Variants in SLC30A9 observed in about 807,000 individuals in gnomAD.
The protein encoded by SLC30A9 is solute carrier family 30 member 9, also known as proton-coupled zinc antiporter SLC30A9, mitochondrial.
Under a neutral mutation model 87.5 loss-of-function variants are expected in SLC30A9, and 58 were observed. The ratio of observed to expected loss-of-function variants is 0.66; its 90% confidence interval spans 0.54 to 0.82. The LOEUF is 0.82. Among genes scored for constraint, SLC30A9 ranks in the 40% least tolerant of loss-of-function variants. The pLI is 0.00. For missense variants in SLC30A9, 557 were observed against 679.1 expected (o/e 0.82, Z 2.00); for synonymous variants, 234 against 233.0 (o/e 1.00, Z -0.04).
intron 16 of SLC30A9, among the ~76,000 whole-genome samples, 155 bp from the exon 17 acceptor site, chr4:42,078,057 T>A (rs1718624118): frequency 6.6e-6 from 1 of 152,208 alleles, no homozygotes; most frequent in African/African-American, 2.4e-5. Flanking sequence ...CGAATTGTTT[T>A]GGAAATAGGT....
At chr4:42,071,600 C>T (rs1718308939) in intron 15 of SLC30A9, among the ~76,000 whole-genome samples, 1 of 150,310 alleles carries the variant, frequency 6.7e-6, no homozygotes, top group African/African-American at 2.5e-5. Flanking sequence ...GAGTTTGAGG[C>T]TAGTGTGCAA....
chr4:42,006,080 G>A (rs2581446), intron 2 of SLC30A9, among the ~76,000 whole-genome samples: 142,314 of 152,306 alleles, frequency 0.93, 66,520 homozygotes, highest in East Asian at 0.99. Flanking sequence ...TGTAACAACG[G>A]TTTACTTAGC....
Position 42,089,570 on chromosome 4 carries a change from A to G in SLC30A9, c.*3444A>G. The G allele has an allele frequency of 6.6e-6, 1 of 152,300 alleles. No individual in the cohort carries two copies. The highest frequency in any genetic ancestry group is 1.9e-4 in the East Asian group (1 of 5,192). 9.4% of individuals were successfully genotyped at this position (152,300 alleles called of 1,614,324 possible). The stretch of plus-strand genomic sequence containing the variant: ...GTAGCTGGGATTACAGGCATGCGCC[A>G]CCACACCCGGCTAATTTTGTATTTC... On this transcript the variant is annotated 3_prime_UTR_variant, in exon 18 of 18. Transcript: ENST00000264451.
At chr4:42,014,516 T>C (rs1818292) in intron 2 of SLC30A9, among the ~76,000 whole-genome samples, 99,313 of 150,546 alleles carry the variant, frequency 0.66, 36,228 homozygotes, top group East Asian at 0.96. Flanking sequence ...GAGATCGTGC[T>C]GCTGCACTCC....
chr4:42,055,391 A>AT (rs5857830), intron 9 of SLC30A9, among the ~76,000 whole-genome samples: 99,209 of 151,898 alleles, frequency 0.65, 36,883 homozygotes, highest in East Asian at 0.96. Context: ...TTATTTATTT[A>AT]TTACTTATTT....
At chr4:42,027,719 A>G (rs1159297149) in intron 6 of SLC30A9, among the ~76,000 whole-genome samples, 1 of 152,214 alleles carries the variant, frequency 6.6e-6, no homozygotes, top group Non-Finnish European at 1.5e-5. Context: ...AGAGAATTTA[A>G]GATGGAATAT....
Position 42,088,588 on chromosome 4 carries a change from A to G in SLC30A9, c.*2462A>G, listed in dbSNP as rs1328678218. ...GGCAGAATACGAAGGGGAAGCAGTC[A>G]TAGCCAGAGGAAGAGCAAGAGGCGG... On this transcript the variant is annotated 3_prime_UTR_variant, in exon 18 of 18. Transcript: ENST00000264451. 1 of 152,716 alleles carries G rather than the reference A, an allele frequency of 6.5e-6. No individual in the cohort carries two copies. The highest frequency in any genetic ancestry group is 2.4e-5 in the African/African-American group (1 of 41,468). 9.5% of individuals were successfully genotyped at this position (152,716 alleles called of 1,614,324 possible). A position where few individuals can be genotyped will look rare whatever the true frequency, so the allele number is the denominator to read the frequency against.
intron 16 of SLC30A9, among the ~76,000 whole-genome samples, chr4:42,077,391 C>A (rs1718598498): frequency 6.6e-6 from 1 of 152,006 alleles, no homozygotes; most frequent in Non-Finnish European, 1.5e-5. Flanking sequence ...TTTGAAAGGT[C>A]TTTATTTTAT....
intron 2 of SLC30A9, among the ~76,000 whole-genome samples, chr4:42,011,102 A>G (rs974096130): frequency 2.6e-5 from 4 of 152,150 alleles, no homozygotes; most frequent in Non-Finnish European, 4.4e-5. Context: ...TCATGCTGCT[A>G]TGAGGAAATA....
chr4:42,048,288 G>A (rs1433500385), intron 8 of SLC30A9, among the ~76,000 whole-genome samples: 2 of 152,104 alleles, frequency 1.3e-5, no homozygotes, highest in African/African-American at 4.8e-5. Flanking sequence ...GCTCCCAGGA[G>A]GTTAAGAGAA....
chr4:42,059,927 T>C (rs1252081143), intron 9 of SLC30A9, among the ~76,000 whole-genome samples: 5 of 152,196 alleles, frequency 3.3e-5, no homozygotes, highest in African/African-American at 1.2e-4. Flanking sequence ...TGGTTTATCA[T>C]TTATTTTGTC....
At chr4:42,029,729 C>A (rs1299754720) in intron 6 of SLC30A9, 3 of 732,226 alleles carry the variant, frequency 4.1e-6, no homozygotes, top group Admixed American at 1.9e-5. Flanking sequence ...ACGAAGAGGG[C>A]AAACCACATG....
At chr4:42,005,423 T>A (rs556547250) in intron 2 of SLC30A9, among the ~76,000 whole-genome samples, 85 of 152,350 alleles carry the variant, frequency 5.6e-4, no homozygotes, top group African/African-American at 1.9e-3. Context: ...TCTTCCCCAC[T>A]ATTTAACACC....
chr4:42,074,064 A>AT lies in SLC30A9; in HGVS notation c.1419-1593_1419-1592insT, dbSNP rs1718425724. On this transcript the variant is annotated intron_variant, in intron 15 of 17. Coordinates refer to ENST00000264451, the MANE Select transcript of SLC30A9 (RefSeq NM_006345.4). The stretch of plus-strand genomic sequence containing the variant: ...AGACTAAAGTAGAAATGATTTTTGA[A>AT]AATGAATAAATATGTTCTGTGAGTT... Among the ~76,000 whole-genome samples the AT allele has an allele frequency of 3.3e-5, 5 of 152,256 alleles. 1 individual carries two copies. The highest frequency in any genetic ancestry group is 4.4e-5 in the Non-Finnish European group (3 of 68,040).
Position 42,046,242 on chromosome 4 carries a change from A to G in SLC30A9, c.738-3135A>G, listed in dbSNP as rs931075957. ...ATTGGAAGCTCTGGCCAGGGCAATC[A>G]GGCAAGAGAAAGAAATAAAGGGTAT... On this transcript the variant is annotated intron_variant, in intron 8 of 17. Coordinates refer to ENST00000264451, the MANE Select transcript of SLC30A9 (RefSeq NM_006345.4). Among the ~76,000 whole-genome samples the G allele has an allele frequency of 4.7e-4, 71 of 152,220 alleles. 1 individual carries two copies. Among genetic ancestry groups the G allele is most frequent in the Admixed American group, 3.3e-4 (5 of 15,280 alleles).
chr4:42,065,167 T>G, intron 11 of SLC30A9, 143 bp from the exon 12 acceptor site: 2 of 614,416 alleles, frequency 3.3e-6, no homozygotes, highest in Non-Finnish European at 3.0e-6. Context: ...GTCCTCCTCA[T>G]TTGAGTTGTT....
At position 42,018,494 on chromosome 4, in the gene SLC30A9, A is replaced by G; in HGVS notation, c.334+324A>G. On this transcript the variant is annotated intron_variant, in intron 3 of 17. Coordinates refer to ENST00000264451, the MANE Select transcript of SLC30A9 (RefSeq NM_006345.4). ...GGCCCACACTTTTCAGCTACTGCTT[A>G]TTCAAATCCAGGTAGAGTTTGGCCG... The G allele has an allele frequency of 6.2e-6, 7 of 1,125,308 alleles. No individual in the cohort carries two copies. The South Asian group carries it at 1.2e-4, about 19-fold the overall frequency. The allele number at this position is 1,125,308 out of a possible 1,614,324, so 69.7% of individuals were successfully genotyped here.
chr4:42,061,056 T>A (rs535163039), intron 10 of SLC30A9, among the ~76,000 whole-genome samples: 11 of 151,850 alleles, frequency 7.2e-5, no homozygotes, highest in South Asian at 6.2e-4. Context: ...TTAAGAAAAA[T>A]TTTTTTTTCA....
intron 6 of SLC30A9, chr4:42,029,118 A>G (rs1359245768): frequency 2.3e-5 from 7 of 301,618 alleles, no homozygotes; most frequent in Middle Eastern, 1.2e-3. Context: ...GAGCCAGGCC[A>G]GAGACAATGA....
Sources: allele counts gnomAD v4.1 joint callset (sites outside exome capture counted in the v4.1 genomes callset), GRCh38; gene constraint gnomAD v4.1.1; transcripts MANE v1.5; gene names NCBI Gene and HGNC (gene_info 2026-07-23, HGNC 2026-07-21).